Variants in LRRIQ3 observed in about 807,000 individuals in gnomAD.
LRRIQ3 encodes the protein leucine-rich repeat and IQ domain-containing protein 3.
A neutral mutation model predicts 59.3 loss-of-function variants in LRRIQ3; 75 were observed. That is an observed-to-expected ratio of 1.26 (90% CI 1.05 to 1.53). The LOEUF is 1.53. LRRIQ3 is among the 40% of genes most tolerant of loss of function. LRRIQ3 has a pLI of 0.00. For synonymous variants in LRRIQ3, 250 were observed against 231.3 expected (o/e 1.08, Z -0.73); for missense variants, 831 against 710.0 (o/e 1.17, Z -1.94).
chr1:74,180,903 C>A (rs1443509517), intron 3 of LRRIQ3: 8 of 981,382 alleles, frequency 8.2e-6, no homozygotes, highest in Non-Finnish European at 1.2e-5. Flanking sequence ...TGTGTTAATG[C>A]CTTACTTTCT....
At chr1:74,156,273 T>C (rs1340701939) in intron 3 of LRRIQ3, among the ~76,000 whole-genome samples, 3 of 152,196 alleles carry the variant, frequency 2.0e-5, no homozygotes, top group African/African-American at 7.2e-5. Context: ...GTAGGTTTCC[T>C]GAGGCCCTTA....
intron 4 of LRRIQ3, among the ~76,000 whole-genome samples, chr1:74,113,876 G>C (rs116696051): frequency 0.014 from 2,186 of 151,710 alleles, 53 homozygotes; most frequent in African/African-American, 0.05. Flanking sequence ...AATTATTAAT[G>C]GGTATAAATG....
chr1:74,121,561 G>A (rs1646856252), intron 4 of LRRIQ3, among the ~76,000 whole-genome samples: 1 of 151,822 alleles, frequency 6.6e-6, no homozygotes, highest in Admixed American at 6.6e-5. Context: ...AGTAATTTTG[G>A]TTACAGATCT....
At chr1:74,077,713 G>C (rs1269456078) in intron 5 of LRRIQ3, among the ~76,000 whole-genome samples, 1 of 151,894 alleles carries the variant, frequency 6.6e-6, no homozygotes, top group Non-Finnish European at 1.5e-5. Flanking sequence ...ATATATGACA[G>C]GGGAACAAAT....
At chr1:74,072,139 T>C (rs190311314) in intron 6 of LRRIQ3, among the ~76,000 whole-genome samples, 29 of 152,268 alleles carry the variant, frequency 1.9e-4, no homozygotes, top group Middle Eastern at 3.4e-3. Flanking sequence ...AAGAATGGTA[T>C]CTAAAAGTTG....
chr1:74,159,308 T>C (rs775648663), intron 3 of LRRIQ3, among the ~76,000 whole-genome samples: 3 of 152,172 alleles, frequency 2.0e-5, no homozygotes, highest in Non-Finnish European at 4.4e-5. Context: ...ATCATTGGTG[T>C]ATCTTCTCCA....
chr1:74,047,202 T>G (rs970156537), intron 6 of LRRIQ3, among the ~76,000 whole-genome samples: 2 of 152,226 alleles, frequency 1.3e-5, no homozygotes, highest in South Asian at 2.1e-4. Context: ...CAAATGCCCA[T>G]CACTGATAGA....
At chr1:74,054,764 A>G (rs942092001) in intron 6 of LRRIQ3, among the ~76,000 whole-genome samples, 7 of 147,770 alleles carry the variant, frequency 4.7e-5, no homozygotes, top group African/African-American at 1.7e-4. Context: ...ATATCTATAT[A>G]TCTACATACA....
chr1:74,097,404 G>A (rs989619743), intron 5 of LRRIQ3, among the ~76,000 whole-genome samples: 1 of 152,180 alleles, frequency 6.6e-6, no homozygotes, highest in African/African-American at 2.4e-5. Context: ...ATGGGACTAT[G>A]TGAAAAGACC....
At chr1:74,196,257 ACT>A (rs1195372890) in intron 1 of LRRIQ3, among the ~76,000 whole-genome samples, 1 of 151,670 alleles carries the variant, frequency 6.6e-6, no homozygotes, top group Non-Finnish European at 1.5e-5. Context: ...CTAACACATC[ACT>A]CTGTTTGTCT....
At position 74,026,855 on chromosome 1, in the gene LRRIQ3, T is replaced by C. The variant is rs1345524255; in HGVS notation, c.1833A>G (p.Lys611=). The stretch of plus-strand genomic sequence containing the variant: ...TGGGAACTTTAAAGTCTAAATTTGT[T>C]TTCACAATTGCTACTTTTGTTTTAG... ...QDAKTKVAIV[K]TNLDFKVPNG... is the part of the protein sequence containing the mutation. The change falls in exon 8 of 8, where the codon AAA becomes AAG. Residue 611 remains lysine, a synonymous_variant. Coordinates refer to ENST00000354431, the MANE Select transcript of LRRIQ3 (RefSeq NM_001105659.2). 6.2e-7 allele frequency: 1 copy of C among 1,609,232 alleles called. No homozygotes were observed. The highest frequency in any genetic ancestry group is 1.1e-5 in the South Asian group (1 of 90,398).
intron 6 of LRRIQ3, among the ~76,000 whole-genome samples, chr1:74,051,944 T>C (rs1020093037): frequency 7.9e-5 from 12 of 151,994 alleles, no homozygotes; most frequent in Non-Finnish European, 1.6e-4. Flanking sequence ...GTGAAAAAAA[T>C]AGACTGGGCA....
chr1:74,183,587 A>T lies in LRRIQ3; in HGVS notation c.98T>A (p.Val33Glu), dbSNP rs761066811. The change falls in exon 2 of 8, where the codon GTG becomes GAG. Residue 33 changes from valine to glutamate, a missense_variant. Val to Glu is a moderately radical substitution (Grantham distance 121, BLOSUM62 -2). Transcript: ENST00000354431. ...IREGQKDFVF[V>E]KFNGLHLKSM... ...CTTTAAATGAAGGCCATTGAACTTC[A>T]CAAAAACAAAATCTTTTTGACCTTC... The T allele has an allele frequency of 1.9e-6, 3 of 1,611,918 alleles. No homozygotes were observed. The highest frequency in any genetic ancestry group is 2.7e-5 in the African/African-American group (2 of 74,874).
At chr1:74,143,631 A>C (rs1379360855) in intron 4 of LRRIQ3, among the ~76,000 whole-genome samples, 1 of 151,710 alleles carries the variant, frequency 6.6e-6, no homozygotes, top group Non-Finnish European at 1.5e-5. Context: ...GAATTAACCT[A>C]ATCTTCATTA....
intron 4 of LRRIQ3, among the ~76,000 whole-genome samples, chr1:74,146,179 T>C (rs1261155188): frequency 6.6e-6 from 1 of 152,120 alleles, no homozygotes; most frequent in Non-Finnish European, 1.5e-5. Flanking sequence ...GTTCACACAA[T>C]GACAAAATCA....
chr1:74,130,615 T>G (rs769839829), intron 4 of LRRIQ3, among the ~76,000 whole-genome samples: 1 of 152,130 alleles, frequency 6.6e-6, no homozygotes, highest in African/African-American at 2.4e-5. Context: ...GTGATTTTTT[T>G]TGTGCCGATA....
At chr1:74,049,864 A>T (rs1017639602) in intron 6 of LRRIQ3, among the ~76,000 whole-genome samples, 1 of 151,728 alleles carries the variant, frequency 6.6e-6, no homozygotes, top group Non-Finnish European at 1.5e-5. Context: ...TTCCATTTAC[A>T]TGATTCCTAG....
intron 5 of LRRIQ3, among the ~76,000 whole-genome samples, chr1:74,100,878 G>C (rs373693918): frequency 4.2e-4 from 64 of 151,996 alleles, no homozygotes; most frequent in South Asian, 3.5e-3. Flanking sequence ...GAAACTGGAT[G>C]CCTTCCTTAC....
At chr1:74,029,927 G>A (rs1436375228) in intron 7 of LRRIQ3, among the ~76,000 whole-genome samples, 2 of 152,060 alleles carry the variant, frequency 1.3e-5, no homozygotes, top group South Asian at 2.1e-4. Flanking sequence ...TTAGTCTTGG[G>A]AGGGTGTATG....
Sources: gnomAD v4.1 joint callset for allele counts (sites outside exome capture counted in the v4.1 genomes callset) on GRCh38, gnomAD v4.1.1 for gene constraint, MANE v1.5 for transcripts, NCBI Gene and HGNC (gene_info 2026-07-23, HGNC 2026-07-21) for gene names.